Variants in ELP4 observed in about 807,000 individuals in gnomAD.
ELP4 encodes elongator complex protein 4.
Under a neutral mutation model 48.9 loss-of-function variants are expected in ELP4, and 51 were observed. That is an observed-to-expected ratio of 1.04 (90% CI 0.83 to 1.32). ELP4 has a LOEUF of 1.32. Ranked by LOEUF, ELP4 falls within the 40% of genes most tolerant of loss-of-function variation. The pLI, the probability that ELP4 is intolerant of heterozygous loss-of-function variation, is 0.00. For missense variants in ELP4, 519 were observed against 514.6 expected (o/e 1.01, Z -0.08); for synonymous variants, 210 against 189.2 (o/e 1.11, Z -0.90).
At chr11:31,781,368 C>A (rs1469439932) in intron 9 of ELP4, among the ~76,000 whole-genome samples, 1 of 151,314 alleles carries the variant, frequency 6.6e-6, no homozygotes, top group East Asian at 2.0e-4. Flanking sequence ...AAAACTCAGA[C>A]ATAAAATTAA....
At chr11:31,758,719 T>C (rs1947882157) in intron 9 of ELP4, among the ~76,000 whole-genome samples, 1 of 150,050 alleles carries the variant, frequency 6.7e-6, no homozygotes, top group African/African-American at 2.4e-5. Flanking sequence ...CAGGCTTGAG[T>C]ACAGTGGTGC....
intron 2 of ELP4, among the ~76,000 whole-genome samples, chr11:31,534,266 GGTGTGTGTGTGT>G (rs61054150): frequency 6.8e-6 from 1 of 148,126 alleles, no homozygotes; most frequent in Non-Finnish European, 1.5e-5. Flanking sequence ...GAGGTGGATT[GGTGTGTGTGTGT>G]GTGTGTGTGT....
At chr11:31,518,264 G>A (rs1369395189) in intron 1 of ELP4, among the ~76,000 whole-genome samples, 2 of 151,516 alleles carry the variant, frequency 1.3e-5, no homozygotes, top group South Asian at 2.1e-4. Context: ...GGGCCACCAC[G>A]CCCATCCACT....
At chr11:31,589,233 TA>T (rs1250669063) in intron 3 of ELP4, among the ~76,000 whole-genome samples, 10 of 152,174 alleles carry the variant, frequency 6.6e-5, no homozygotes, top group Admixed American at 2.6e-4. Context: ...TTGTACTTCT[TA>T]CGGTGCTCAT....
At chr11:31,748,467 A>T (rs1292372443) in intron 9 of ELP4, among the ~76,000 whole-genome samples, 1 of 150,894 alleles carries the variant, frequency 6.6e-6, no homozygotes, top group African/African-American at 2.4e-5. Flanking sequence ...CTGGTCTTGA[A>T]CTCCTGACCT....
At chr11:31,682,359 A>G (rs1418240947) in intron 9 of ELP4, among the ~76,000 whole-genome samples, 2 of 152,206 alleles carry the variant, frequency 1.3e-5, no homozygotes, top group African/African-American at 2.4e-5. Flanking sequence ...GTGCAGAAGC[A>G]GTAAGTCTGG....
intron 9 of ELP4, among the ~76,000 whole-genome samples, chr11:31,761,160 G>T (rs1307927198): frequency 2.6e-5 from 4 of 151,890 alleles, no homozygotes; most frequent in African/African-American, 9.7e-5. Flanking sequence ...AACATGGCAA[G>T]ACCCTGTCTC....
At chr11:31,696,378 C>T (rs1946406968) in intron 9 of ELP4, among the ~76,000 whole-genome samples, 2 of 152,116 alleles carry the variant, frequency 1.3e-5, no homozygotes, top group East Asian at 1.9e-4. Flanking sequence ...TCTTTGTTCT[C>T]ATTGGTTTCG....
intron 9 of ELP4, among the ~76,000 whole-genome samples, chr11:31,681,045 A>C (rs544067769): frequency 6.6e-6 from 1 of 152,310 alleles, no homozygotes; most frequent in South Asian, 2.1e-4. Flanking sequence ...TATAAATGTC[A>C]GTATATCCTG....
intron 3 of ELP4, among the ~76,000 whole-genome samples, chr11:31,551,619 C>A (rs577720267): frequency 3.9e-4 from 60 of 151,992 alleles, no homozygotes; most frequent in African/African-American, 1.4e-3. Context: ...ACACTTTTAC[C>A]GTGAACTTTT....
At chr11:31,757,031 G>A (rs960090698) in intron 9 of ELP4, among the ~76,000 whole-genome samples, 1 of 152,266 alleles carries the variant, frequency 6.6e-6, no homozygotes, top group South Asian at 2.1e-4. Context: ...GACAATGCCA[G>A]TTTTTTGAAA....
At chr11:31,525,928 C>T (rs1956288263) in intron 2 of ELP4, among the ~76,000 whole-genome samples, 3 of 152,048 alleles carry the variant, frequency 2.0e-5, no homozygotes, top group African/African-American at 2.4e-5. Context: ...GTATTTTTCT[C>T]TTTAAACTCA....
intron 9 of ELP4, chr11:31,650,596 G>C (rs1945299523): frequency 5.9e-6 from 1 of 169,096 alleles, no homozygotes. Flanking sequence ...GTGGCTAAGA[G>C]GATTCTTATC....
chr11:31,574,394 T>C (rs1386360921), intron 3 of ELP4, among the ~76,000 whole-genome samples: 1 of 152,160 alleles, frequency 6.6e-6, no homozygotes, highest in Non-Finnish European at 1.5e-5. Flanking sequence ...CAGAAACTTC[T>C]GCAGACTTAA....
intron 5 of ELP4, among the ~76,000 whole-genome samples, chr11:31,619,392 A>T (rs1220705781): frequency 6.6e-6 from 1 of 152,046 alleles, no homozygotes; most frequent in Non-Finnish European, 1.5e-5. Flanking sequence ...TATAACAAAA[A>T]TACCATAAAC....
At chr11:31,523,507 T>C (rs1458844812) in intron 2 of ELP4, among the ~76,000 whole-genome samples, 1 of 152,198 alleles carries the variant, frequency 6.6e-6, no homozygotes. Context: ...CAGAGTACTG[T>C]ATTTACAGCT....
intron 9 of ELP4, among the ~76,000 whole-genome samples, chr11:31,748,058 A>G (rs1422721297): frequency 2.6e-5 from 4 of 152,220 alleles, no homozygotes; most frequent in African/African-American, 9.6e-5. Context: ...ATATTTTACA[A>G]TTGTAGATTA....
chr11:31,544,162 GC>G (rs1174516361), intron 3 of ELP4, among the ~76,000 whole-genome samples: 1 of 152,262 alleles, frequency 6.6e-6, no homozygotes, highest in African/African-American at 2.4e-5. Flanking sequence ...GTCAGTGGGT[GC>G]AGTGCACCAT....
chr11:31,654,085 G>A (rs1478215135), intron 9 of ELP4: 4 of 151,502 alleles, frequency 2.6e-5, no homozygotes, highest in Non-Finnish European at 5.9e-5. Context: ...TAATATAAAT[G>A]ATAATAATGT....
Sources: allele counts gnomAD v4.1 joint callset (sites outside exome capture counted in the v4.1 genomes callset), GRCh38; gene constraint gnomAD v4.1.1; transcripts MANE v1.5; gene names NCBI Gene and HGNC (gene_info 2026-07-23, HGNC 2026-07-21).